The following CHST11 variants were observed in gnomAD, a reference collection of about 807,000 sequenced individuals.
The protein encoded by CHST11 is C4S-1.
A neutral mutation model predicts 30.4 loss-of-function variants in CHST11; 9 were observed. The ratio of observed to expected loss-of-function variants is 0.30; its 90% CI spans 0.18 to 0.52. The LOEUF (loss-of-function observed/expected upper bound fraction) is 0.52. Among genes scored for constraint, CHST11 ranks in the 20% least tolerant of loss-of-function variants. CHST11 has a pLI of 0.97. For synonymous variants in CHST11, 152 were observed against 187.8 expected (o/e 0.81, Z 1.56); for missense variants, 348 against 460.6 (o/e 0.76, Z 2.24).
intron 2 of CHST11, among the ~76,000 whole-genome samples, chr12:104,661,021 C>T (rs1316918278): frequency 1.3e-5 from 2 of 152,194 alleles, no homozygotes; most frequent in Non-Finnish European, 2.9e-5. Flanking sequence ...ACTCTGTCCA[C>T]TTCCAGACTG....
intron 1 of CHST11, among the ~76,000 whole-genome samples, chr12:104,502,218 C>G (rs938224727): frequency 2.0e-5 from 3 of 151,810 alleles, no homozygotes; most frequent in African/African-American, 7.3e-5. Context: ...TTGTAAAGAC[C>G]TGGGGTGTGG....
At chr12:104,465,572 G>T (rs1289739476) in intron 1 of CHST11, among the ~76,000 whole-genome samples, 1 of 151,820 alleles carries the variant, frequency 6.6e-6, no homozygotes, top group Non-Finnish European at 1.5e-5. Flanking sequence ...TTCCTCTTTT[G>T]ACATAGCAAG....
intron 2 of CHST11, among the ~76,000 whole-genome samples, chr12:104,722,789 C>G (rs998013851): frequency 6.6e-6 from 1 of 152,184 alleles, no homozygotes; most frequent in Non-Finnish European, 1.5e-5. Flanking sequence ...GAGACTTTCT[C>G]AAAGGCCCTG....
At chr12:104,511,007 C>T (rs115908469) in intron 1 of CHST11, among the ~76,000 whole-genome samples, 10 of 151,976 alleles carry the variant, frequency 6.6e-5, no homozygotes, top group Non-Finnish European at 1.2e-4. Flanking sequence ...AAGCCCAAAA[C>T]CTTTTGTTTG....
At chr12:104,679,501 G>A (rs527905194) in intron 2 of CHST11, among the ~76,000 whole-genome samples, 2 of 152,208 alleles carry the variant, frequency 1.3e-5, no homozygotes, top group African/African-American at 2.4e-5. Flanking sequence ...TTTGACCTCC[G>A]CCCCGTGTGT....
At chr12:104,697,399 G>A (rs1279650890) in intron 2 of CHST11, among the ~76,000 whole-genome samples, 1 of 152,134 alleles carries the variant, frequency 6.6e-6, no homozygotes, top group East Asian at 1.9e-4. Context: ...TTGAGGCCTT[G>A]GATCAAACAA....
At chr12:104,706,245 G>A (rs566431579) in intron 2 of CHST11, among the ~76,000 whole-genome samples, 1 of 150,226 alleles carries the variant, frequency 6.7e-6, no homozygotes, top group East Asian at 2.0e-4. Context: ...TTAGCCAGGT[G>A]TGGTAGCGCA....
At chr12:104,741,321 CA>C (rs1465014496) in intron 2 of CHST11, among the ~76,000 whole-genome samples, 1 of 152,192 alleles carries the variant, frequency 6.6e-6, no homozygotes, top group East Asian at 1.9e-4. Flanking sequence ...GCCCCATCTG[CA>C]GAACTAGCTC....
chr12:104,617,552 T>C (rs1002764979), intron 2 of CHST11, among the ~76,000 whole-genome samples: 1 of 152,208 alleles, frequency 6.6e-6, no homozygotes, highest in African/African-American at 2.4e-5. Context: ...TTCCACTTAC[T>C]AGCAGTGGGA....
At chr12:104,531,782 A>G (rs1381346449) in intron 1 of CHST11, among the ~76,000 whole-genome samples, 1 of 152,122 alleles carries the variant, frequency 6.6e-6, no homozygotes, top group African/African-American at 2.4e-5. Flanking sequence ...GATCTGGCCC[A>G]GTCACTCTCT....
At chr12:104,643,823 A>G (rs1177401768) in intron 2 of CHST11, among the ~76,000 whole-genome samples, 1 of 152,166 alleles carries the variant, frequency 6.6e-6, no homozygotes, top group Non-Finnish European at 1.5e-5. Context: ...TGGAAAGCCA[A>G]GACTTCACTG....
At chr12:104,606,071 G>A (rs2039001713) in intron 2 of CHST11, among the ~76,000 whole-genome samples, 1 of 148,582 alleles carries the variant, frequency 6.7e-6, no homozygotes, top group South Asian at 2.1e-4. Flanking sequence ...AGTCTAGGAG[G>A]TTTGCATAGG....
At chr12:104,698,222 A>C (rs1404651519) in intron 2 of CHST11, among the ~76,000 whole-genome samples, 1 of 152,166 alleles carries the variant, frequency 6.6e-6, no homozygotes, top group African/African-American at 2.4e-5. Flanking sequence ...TAGCCTGGCC[A>C]TCAAGGCATT....
At position 104,757,860 on chromosome 12, in the gene CHST11, A is replaced by G; in HGVS notation, c.*57A>G. 6.7e-7 allele frequency: 1 copy of G among 1,482,610 alleles called. No individual in the cohort carries two copies. Among genetic ancestry groups the G allele is most frequent in the Non-Finnish European group, 9.1e-7 (1 of 1,096,196 alleles). 91.8% of individuals were successfully genotyped at this position (1,482,610 alleles called of 1,614,324 possible). A position where few individuals can be genotyped will look rare whatever the true frequency, so the allele number is the denominator to read the frequency against. The stretch of plus-strand genomic sequence containing the variant: ...TTTAATTTAAGATTTTTATTTGTCA[A>G]AAGAATTATATGGATATTGGGTTAT... On this transcript the variant is annotated 3_prime_UTR_variant, in exon 3 of 3. Transcript: ENST00000303694. This position sits in a 1 kb window ranked among gnomAD's most constrained non-coding sequence, Gnocchi z 6.5.
chr12:104,722,551 A>G (rs1031473481), intron 2 of CHST11, among the ~76,000 whole-genome samples: 2 of 152,136 alleles, frequency 1.3e-5, no homozygotes, highest in Admixed American at 6.5e-5. Flanking sequence ...CAGACGTTCA[A>G]AAATGGTGAG....
At chr12:104,569,309 C>T (rs1216127303) in intron 1 of CHST11, among the ~76,000 whole-genome samples, 1 of 152,146 alleles carries the variant, frequency 6.6e-6, no homozygotes, top group African/African-American at 2.4e-5. Flanking sequence ...TTGTGAGACT[C>T]CATAGCTTTT....
chr12:104,677,057 C>T (rs574379058), intron 2 of CHST11, among the ~76,000 whole-genome samples: 221 of 152,318 alleles, frequency 1.5e-3, no homozygotes, highest in African/African-American at 5.0e-3. Flanking sequence ...TCCTCCTTTC[C>T]TCATCTGAAG....
intron 1 of CHST11, among the ~76,000 whole-genome samples, chr12:104,499,965 T>C (rs1368340536): frequency 1.3e-5 from 2 of 152,182 alleles, no homozygotes; most frequent in Admixed American, 1.3e-4. Flanking sequence ...TTCATACAGC[T>C]TTGCAGTGTT....
intron 1 of CHST11, among the ~76,000 whole-genome samples, chr12:104,488,718 C>T (rs1025536716): frequency 9.3e-5 from 11 of 118,918 alleles, no homozygotes; most frequent in South Asian, 5.9e-4. Context: ...TGTATGTGTG[C>T]GTGTATGTGT....
Sources: gnomAD v4.1 joint callset for allele counts (sites outside exome capture counted in the v4.1 genomes callset) on GRCh38, gnomAD v4.1.1 for gene constraint, Gnocchi (gnomAD v3.1) non-coding constraint, MANE v1.5 for transcripts, NCBI Gene and HGNC (gene_info 2026-07-23, HGNC 2026-07-21) for gene names.